The following MAGI1 variants were observed in gnomAD, a reference collection of about 807,000 sequenced individuals.
The protein encoded by MAGI1 is membrane-associated guanylate kinase, WW and PDZ domain-containing protein 1.
A neutral mutation model predicts 139.9 loss-of-function variants in MAGI1; 58 were observed. The observed-to-expected ratio is 0.41, with a 90% CI of 0.34 to 0.52. The LOEUF is 0.52. Among genes scored for constraint, MAGI1 ranks in the 20% least tolerant of loss-of-function variants. The pLI, the probability that MAGI1 is intolerant of heterozygous loss-of-function variation, is 0.12. For synonymous variants in MAGI1, 812 were observed against 737.9 expected, an observed-to-expected ratio of 1.10 and a Z score of -1.63; for missense variants, 1,874 against 1,901.6, an observed-to-expected ratio of 0.99 and a Z score of 0.27.
At chr3:65,436,652 C>T (rs1315030915) in intron 10 of MAGI1, among the ~76,000 whole-genome samples, 2 of 152,132 alleles carry the variant, frequency 1.3e-5, no homozygotes, top group Non-Finnish European at 2.9e-5. Flanking sequence ...TGCTGAGTTT[C>T]AGATTTATCT....
intron 2 of MAGI1, among the ~76,000 whole-genome samples, chr3:65,511,717 C>T (rs2077605145): frequency 6.7e-6 from 1 of 149,934 alleles, no homozygotes; most frequent in Non-Finnish European, 1.5e-5. Flanking sequence ...GAGACTTTAA[C>T]ACCCCACTGT....
intron 5 of MAGI1, among the ~76,000 whole-genome samples, chr3:65,469,552 C>G (rs1433492625): frequency 4.0e-5 from 6 of 151,780 alleles, no homozygotes; most frequent in Admixed American, 3.9e-4. Flanking sequence ...TCCTGTCTCT[C>G]TGTTCTCAAA....
At chr3:65,971,572 C>G (rs2065014444) in intron 1 of MAGI1, among the ~76,000 whole-genome samples, 1 of 152,214 alleles carries the variant, frequency 6.6e-6, no homozygotes, top group South Asian at 2.1e-4. Flanking sequence ...GAAATAAAAT[C>G]TACATCCAAG....
At chr3:65,710,866 G>T (rs1041708568) in intron 1 of MAGI1, among the ~76,000 whole-genome samples, 2 of 152,166 alleles carry the variant, frequency 1.3e-5, no homozygotes, top group African/African-American at 4.8e-5. Flanking sequence ...AATGCCCATT[G>T]ATACAGACTT....
intron 1 of MAGI1, among the ~76,000 whole-genome samples, chr3:65,674,577 G>A (rs965745557): frequency 5.9e-5 from 9 of 152,062 alleles, no homozygotes; most frequent in Non-Finnish European, 1.0e-4. Context: ...TAATTCCAAG[G>A]CTTTATGTTC....
rs2082331519 is a variant in MAGI1 at position 65,598,425 on chromosome 3, A to ACCCTGACTT, written c.430+23538_430+23546dup. On this transcript the variant is annotated intron_variant, in intron 2 of 22. Transcript: ENST00000402939. Reference sequence around the variant, plus strand: ...ACTCCCTTTCTTGGTTAGGGATACAACCCTGACTTCCCAAGAGCAAGGGAC... The same window carrying ACCCTGACTT: ...ACTCCCTTTCTTGGTTAGGGATACAACCCTGACTTCCCTGACTTCCCAAGAGCAAGGGAC... 2.0e-5 allele frequency among the ~76,000 whole-genome samples: 3 copies of ACCCTGACTT among 152,246 alleles called. No homozygotes were observed. The South Asian group carries it at 6.2e-4, about 32-fold the overall frequency.
intron 1 of MAGI1, among the ~76,000 whole-genome samples, chr3:65,748,182 G>A (rs994416471): frequency 6.6e-6 from 1 of 152,160 alleles, no homozygotes; most frequent in East Asian, 1.9e-4. Context: ...GATTTTTCAA[G>A]TTTGCTCTTA....
intron 1 of MAGI1, among the ~76,000 whole-genome samples, chr3:65,690,181 T>A (rs1200057450): frequency 8.7e-6 from 1 of 114,518 alleles, no homozygotes; most frequent in African/African-American, 4.4e-5. Context: ...CCACTGCAAA[T>A]AGAGTAGACT....
chr3:65,549,361 T>A, intron 2 of MAGI1: 37 of 788,716 alleles, frequency 4.7e-5, no homozygotes, highest in Admixed American at 6.3e-5. Context: ...CCCCCTCCCC[T>A]CCCCTCTTCC....
At chr3:65,411,672 C>T (rs7645931) in intron 12 of MAGI1, among the ~76,000 whole-genome samples, 152,306 of 152,308 alleles carry the variant, frequency 1, 76,152 homozygotes, top group Non-Finnish European at 1. Context: ...AAAAAATACA[C>T]GCTGGGGCCC....
chr3:65,381,609 C>A (rs541092254), intron 16 of MAGI1, among the ~76,000 whole-genome samples: 4 of 152,160 alleles, frequency 2.6e-5, no homozygotes, highest in Admixed American at 2.6e-4. Context: ...TTCTGATTTG[C>A]AAGGAGATAG....
chr3:65,911,056 C>T (rs1435596419), intron 1 of MAGI1, among the ~76,000 whole-genome samples: 1 of 151,328 alleles, frequency 6.6e-6, no homozygotes, highest in Non-Finnish European at 1.5e-5. Context: ...CGGGGTTTCA[C>T]CATATTGGTC....
intron 2 of MAGI1, among the ~76,000 whole-genome samples, chr3:65,580,858 G>A (rs912048472): frequency 2.0e-5 from 3 of 152,010 alleles, no homozygotes; most frequent in African/African-American, 7.2e-5. Flanking sequence ...AGCCTTCCCT[G>A]GTGATACCTC....
intron 2 of MAGI1, among the ~76,000 whole-genome samples, chr3:65,599,874 G>A (rs1175976188): frequency 2.0e-5 from 3 of 152,128 alleles, no homozygotes; most frequent in South Asian, 2.1e-4. Flanking sequence ...ACACAGATTC[G>A]CTGGCTTCAT....
At chr3:65,998,830 T>C (rs1003812496) in intron 1 of MAGI1, among the ~76,000 whole-genome samples, 7 of 152,230 alleles carry the variant, frequency 4.6e-5, no homozygotes, top group African/African-American at 1.2e-4. Context: ...AATGAGGCTA[T>C]GAACTTTTAA....
chr3:66,029,050 T>C (rs907521317), intron 1 of MAGI1, among the ~76,000 whole-genome samples: 46 of 152,210 alleles, frequency 3.0e-4, no homozygotes, highest in African/African-American at 1.0e-3. Context: ...AGAGAGTAGG[T>C]ATCATTATTA....
At chr3:65,757,293 C>T (rs7613099) in intron 1 of MAGI1, among the ~76,000 whole-genome samples, 2 of 152,144 alleles carry the variant, frequency 1.3e-5, no homozygotes, top group Admixed American at 6.5e-5. Context: ...TGAAATTTTA[C>T]AATAAACTCC....
rs557349024 is a variant in MAGI1, at chr3:65,545,705, T to C, written c.431-52074A>G. Reference sequence around the variant, plus strand: ...ATGAAGACTTCTCGAGAGGCCTCCCTCATGAGCAATCTCTACAGGCAGGAT... The same window carrying C: ...ATGAAGACTTCTCGAGAGGCCTCCCCCATGAGCAATCTCTACAGGCAGGAT... On this transcript the variant is annotated intron_variant, in intron 2 of 22. Transcript: ENST00000402939. Among the ~76,000 whole-genome samples the C allele has an allele frequency of 2.6e-5, 4 of 152,152 alleles. No homozygotes were observed. In the South Asian group the frequency reaches 8.3e-4, roughly 32 times the overall value.
intron 1 of MAGI1, among the ~76,000 whole-genome samples, chr3:65,921,271 G>A: frequency 6.6e-6 from 1 of 151,556 alleles, no homozygotes; most frequent in East Asian, 1.9e-4. Flanking sequence ...GAGAAGATAA[G>A]ATTATTAAAT....
Sources: allele counts gnomAD v4.1 joint callset (sites outside exome capture counted in the v4.1 genomes callset), GRCh38; gene constraint gnomAD v4.1.1; transcripts MANE v1.5; gene names NCBI Gene and HGNC (gene_info 2026-07-23, HGNC 2026-07-21).